The following TSHZ2 variants were observed in gnomAD, a reference collection of about 807,000 sequenced individuals.
The protein encoded by TSHZ2 is teashirt zinc finger homeobox 2, also known as teashirt homolog 2.
Under a neutral mutation model 74.4 loss-of-function variants are expected in TSHZ2, and 21 were observed. That is an observed-to-expected ratio of 0.28 (90% CI 0.20 to 0.41). The LOEUF (loss-of-function observed/expected upper bound fraction) is 0.41, where lower values mean the gene tolerates loss of function less well. Among genes scored for constraint, TSHZ2 ranks in the 10% least tolerant of loss-of-function variants. The pLI is 1.00. For synonymous variants in TSHZ2, 540 were observed against 515.3 expected, an observed-to-expected ratio of 1.05 and a Z score of -0.65; for missense variants, 1,244 against 1,293.5, an observed-to-expected ratio of 0.96 and a Z score of 0.59.
chr20:53,056,555 G>A (rs538799765), intron 1 of TSHZ2, among the ~76,000 whole-genome samples: 2 of 152,148 alleles, frequency 1.3e-5, no homozygotes, highest in East Asian at 3.8e-4. Flanking sequence ...TTAAATAAAT[G>A]AGTTTCTTTT....
rs1209213010 is a variant in TSHZ2, at chr20:53,204,095, GATGAT to G, written c.41-49396_41-49392del. ...TATGATACTATTTATATCATCATAT[GATGAT>G]ATGATATACTATATCATCATATGAT... On this transcript the variant is annotated intron_variant, in intron 1 of 2. Coordinates refer to ENST00000371497, the MANE Select transcript of TSHZ2 (RefSeq NM_173485.6). Among the ~76,000 whole-genome samples, 27 of 89,650 alleles carry G rather than the reference GATGAT, an allele frequency of 3.0e-4. 3 individuals carry two copies. Among genetic ancestry groups the G allele is most frequent in the Admixed American group, 6.3e-4 (5 of 7,922 alleles). The allele number at this position is 89,650 out of a possible 152,430, so 58.8% of individuals were successfully genotyped here. A position where few individuals can be genotyped will look rare whatever the true frequency, so the allele number is the denominator to read the frequency against.
intron 2 of TSHZ2, among the ~76,000 whole-genome samples, chr20:53,297,616 G>A (rs1285650793): frequency 6.6e-6 from 1 of 152,190 alleles, no homozygotes; most frequent in Non-Finnish European, 1.5e-5. Context: ...CAACCTGGGG[G>A]TAGGACACAG....
chr20:53,442,965 T>C (rs968133472), intron 2 of TSHZ2, among the ~76,000 whole-genome samples: 2 of 152,218 alleles, frequency 1.3e-5, no homozygotes, highest in African/African-American at 2.4e-5. Flanking sequence ...CTTCAGTTTG[T>C]GTGCAGGAAC....
Position 53,493,405 on chromosome 20 carries a change from A to G in TSHZ2, c.*6270A>G, listed in dbSNP as rs1365624461. On this transcript the variant is annotated 3_prime_UTR_variant, in exon 3 of 3. Coordinates refer to ENST00000371497, the MANE Select transcript of TSHZ2 (RefSeq NM_173485.6). ...CCTTTTAAAGGCATGCTTTACCCCCATGGGAAAACTGCACACTCATCCATG... is the reference window on the plus strand; with the variant it reads ...CCTTTTAAAGGCATGCTTTACCCCCGTGGGAAAACTGCACACTCATCCATG... The G allele has an allele frequency of 1.3e-5, 2 of 152,172 alleles. No individual in the cohort carries two copies. Among genetic ancestry groups the G allele is most frequent in the East Asian group, 1.9e-4 (1 of 5,196 alleles). 9.4% of individuals were successfully genotyped at this position (152,172 alleles called of 1,614,324 possible).
chr20:53,308,720 T>A (rs1442384988), intron 2 of TSHZ2, among the ~76,000 whole-genome samples: 2 of 152,228 alleles, frequency 1.3e-5, no homozygotes, highest in Non-Finnish European at 2.9e-5. Flanking sequence ...ATTCATAATG[T>A]CTATTTTATT....
intron 1 of TSHZ2, among the ~76,000 whole-genome samples, chr20:53,171,664 T>C (rs2123486066): frequency 6.6e-6 from 1 of 152,256 alleles, no homozygotes; most frequent in East Asian, 1.9e-4. Context: ...TTCTGAGCTA[T>C]ATGCAGGAGC....
chr20:53,262,870 G>A (rs1305617823), intron 2 of TSHZ2, among the ~76,000 whole-genome samples: 1 of 152,200 alleles, frequency 6.6e-6, no homozygotes, highest in Non-Finnish European at 1.5e-5. Flanking sequence ...CACCTGGAGG[G>A]AAAAGGGATG....
At chr20:53,064,689 A>AACACACACACACACAC (rs111943855) in intron 1 of TSHZ2, among the ~76,000 whole-genome samples, 4 of 150,740 alleles carry the variant, frequency 2.7e-5, no homozygotes, top group African/African-American at 9.7e-5. Flanking sequence ...TAGACAGAGA[A>AACACACACACACACAC]ACACACACAC....
intron 1 of TSHZ2, among the ~76,000 whole-genome samples, chr20:53,153,722 C>T (rs956278048): frequency 2.0e-5 from 3 of 152,006 alleles, no homozygotes; most frequent in Non-Finnish European, 4.4e-5. Context: ...TCCAGTTTGC[C>T]CAACTGGAGC....
chr20:52,997,834 C>T (rs533008706), intron 1 of TSHZ2, among the ~76,000 whole-genome samples: 1 of 152,292 alleles, frequency 6.6e-6, no homozygotes, highest in African/African-American at 2.4e-5. Flanking sequence ...CCAGAGGAAT[C>T]CTAGGAAAAT....
At chr20:53,288,294 C>G (rs780927810) in intron 2 of TSHZ2, among the ~76,000 whole-genome samples, 15 of 151,936 alleles carry the variant, frequency 9.9e-5, no homozygotes, top group Non-Finnish European at 2.1e-4. Flanking sequence ...GTCCCAGCTA[C>G]TCAGGAGGCT....
intron 1 of TSHZ2, among the ~76,000 whole-genome samples, chr20:53,095,462 A>G (rs996386859): frequency 2.6e-5 from 4 of 152,234 alleles, no homozygotes; most frequent in African/African-American, 9.7e-5. Context: ...GCCCCCTGAG[A>G]ATCACATGGA....
In TSHZ2 at chr20:53,447,657, A is replaced by G. The variant is rs139046839; in HGVS notation, c.*9-39487A>G. Among the ~76,000 whole-genome samples the G allele has an allele frequency of 2.0e-3, 307 of 152,132 alleles. 1 individual carries two copies. The highest frequency in any genetic ancestry group is 7.1e-3 in the African/African-American group (296 of 41,498). ...TCTGTGACTGTCCCTCAATCATTCC[A>G]TGTCTTTTATGAGCTTGACACTTCT... On this transcript the variant is annotated intron_variant, in intron 2 of 2. Coordinates refer to ENST00000371497, the MANE Select transcript of TSHZ2 (RefSeq NM_173485.6).
chr20:53,173,653 C>G (rs558535608), intron 1 of TSHZ2, among the ~76,000 whole-genome samples: 1 of 150,274 alleles, frequency 6.7e-6, no homozygotes, highest in South Asian at 2.2e-4. Flanking sequence ...CCATATGGAT[C>G]AAGCTTTTAG....
intron 1 of TSHZ2, among the ~76,000 whole-genome samples, chr20:52,980,060 T>C (rs1434497151): frequency 1.3e-5 from 2 of 152,216 alleles, no homozygotes; most frequent in African/African-American, 4.8e-5. Context: ...AAACTCTCTC[T>C]GGACACACAG....
At chr20:53,383,160 G>T (rs1981919399) in intron 2 of TSHZ2, among the ~76,000 whole-genome samples, 1 of 152,026 alleles carries the variant, frequency 6.6e-6, no homozygotes, top group African/African-American at 2.4e-5. Flanking sequence ...CTACTCGGGA[G>T]GCTGAGGTAG....
At chr20:52,993,843 T>C (rs1018226638) in intron 1 of TSHZ2, among the ~76,000 whole-genome samples, 3 of 152,244 alleles carry the variant, frequency 2.0e-5, no homozygotes, top group African/African-American at 7.2e-5. Context: ...GTTTTAATTT[T>C]CTATGCGAGA....
chr20:53,222,097 A>G (rs995288658), intron 1 of TSHZ2, among the ~76,000 whole-genome samples: 2 of 152,178 alleles, frequency 1.3e-5, no homozygotes, highest in African/African-American at 4.8e-5. Context: ...TATTTAGGCT[A>G]AAAGATATAA....
At chr20:53,172,772 C>T (rs111916028) in intron 1 of TSHZ2, among the ~76,000 whole-genome samples, 14 of 152,274 alleles carry the variant, frequency 9.2e-5, no homozygotes, top group African/African-American at 3.1e-4. Flanking sequence ...AGGATCTGTG[C>T]CTTGGAAGAC....
Sources: gnomAD v4.1 joint callset for allele counts (sites outside exome capture counted in the v4.1 genomes callset) on GRCh38, gnomAD v4.1.1 for gene constraint, MANE v1.5 for transcripts, NCBI Gene and HGNC (gene_info 2026-07-23, HGNC 2026-07-21) for gene names.